ANO2: variants seen among roughly 807,000 people sequenced by gnomAD.
ANO2 encodes the protein anoctamin 2, also known as anoctamin-2.
Under a neutral mutation model 124.2 loss-of-function variants are expected in ANO2, and 101 were observed. That is an observed-to-expected ratio of 0.81 (90% CI 0.69 to 0.96). The LOEUF is 0.96. Ranked by LOEUF, ANO2 falls within the 40% of genes least tolerant of loss-of-function variation. The probability of loss-of-function intolerance (pLI) is 0.00; values close to 1 mark genes in which losing one functional copy is unlikely to be tolerated. For synonymous variants in ANO2, 486 were observed against 482.5 expected, an observed-to-expected ratio of 1.01 and a Z score of -0.09; for missense variants, 1,293 against 1,274.5, an observed-to-expected ratio of 1.01 and a Z score of -0.22.
chr12:5,717,035 C>T (rs1226674262), intron 14 of ANO2, among the ~76,000 whole-genome samples: 4 of 152,198 alleles, frequency 2.6e-5, no homozygotes, highest in Admixed American at 1.3e-4. Flanking sequence ...AGCATCAGCT[C>T]CCAGATGTGG....
At chr12:5,944,043 G>A (rs11063949) in intron 1 of ANO2, among the ~76,000 whole-genome samples, 1 of 152,238 alleles carries the variant, frequency 6.6e-6, no homozygotes, top group Non-Finnish European at 1.5e-5. Flanking sequence ...AGGCAACTCA[G>A]ACAGCAGAAG....
intron 16 of ANO2, among the ~76,000 whole-genome samples, chr12:5,623,513 T>C (rs904314762): frequency 1.3e-5 from 2 of 152,150 alleles, no homozygotes; most frequent in African/African-American, 4.8e-5. Context: ...TGAAAAAATA[T>C]GAGTGCAAAT....
At position 5,636,801 on chromosome 12, in the gene ANO2, A is replaced by T. The variant is rs530640843; in HGVS notation, c.1621-1454T>A. On this transcript the variant is annotated intron_variant, in intron 15 of 24. Coordinates refer to ENST00000682330, the MANE Select transcript of ANO2 (RefSeq NM_001364791.2). This position sits in a 1 kb window ranked among gnomAD's most constrained non-coding sequence, Gnocchi z 4.6. ...CCAGTGGCTTGCTAATGGGTGGCAG[A>T]TGTGTCCAGGTATGGATGTTTTCAG... Among the ~76,000 whole-genome samples the T allele has an allele frequency of 6.6e-5, 10 of 152,002 alleles. No individual in the cohort carries two copies. The highest frequency in any genetic ancestry group is 1.5e-4 in the Non-Finnish European group (10 of 68,002).
Position 5,599,527 on chromosome 12 carries a change from G to C in ANO2, c.2190C>G (p.Ser730Arg), listed in dbSNP as rs1943827132. 2 of 1,613,718 alleles carry C rather than the reference G, an allele frequency of 1.2e-6. No individual in the cohort carries two copies. Among genetic ancestry groups the C allele is most frequent in the Non-Finnish European group, 1.7e-6 (2 of 1,179,812 alleles). ...KHPEQWDLDY[S>R]LEPYTGLTPE... The stretch of plus-strand genomic sequence containing the variant: ...GAGTCAGTCCTGTGTATGGTTCCAA[G>C]CTGTAGTCTAGGTCCCACTGCTCTG... Residue 730 changes from serine to arginine, a missense_variant, in exon 20 of 25, where the codon AGC becomes AGG. Transcript: ENST00000682330.
intron 24 of ANO2, 43 bp from the exon 25 acceptor site, chr12:5,563,611 G>A (rs766806181): frequency 2.7e-5 from 44 of 1,604,154 alleles, no homozygotes; most frequent in African/African-American, 1.6e-4. Flanking sequence ...GGAGAGGCCC[G>A]GCCTGGGGAG....
At chr12:5,748,376 C>G (rs1169569062) in intron 11 of ANO2, among the ~76,000 whole-genome samples, 1 of 152,186 alleles carries the variant, frequency 6.6e-6, no homozygotes, top group African/African-American at 2.4e-5. Context: ...ACCCAAAAGC[C>G]ATGTTTTCTT....
At chr12:5,846,031 G>A (rs932935077) in intron 4 of ANO2, among the ~76,000 whole-genome samples, 1 of 152,200 alleles carries the variant, frequency 6.6e-6, no homozygotes, top group African/African-American at 2.4e-5. Flanking sequence ...GCGGTTTTAT[G>A]AATCTTTTTC....
chr12:5,783,249 G>A (rs924869152), intron 10 of ANO2, among the ~76,000 whole-genome samples: 4 of 152,098 alleles, frequency 2.6e-5, no homozygotes, highest in African/African-American at 9.7e-5. Context: ...GTTGGTTTTG[G>A]CTCAGGGTTT....
intron 3 of ANO2, among the ~76,000 whole-genome samples, chr12:5,913,659 G>A (rs1227186889): frequency 6.6e-6 from 1 of 152,218 alleles, no homozygotes; most frequent in South Asian, 2.1e-4. Flanking sequence ...GGACCCCTTA[G>A]TGGCAGCGTG....
chr12:5,722,741 C>T (rs901137703), intron 14 of ANO2, among the ~76,000 whole-genome samples: 4 of 151,874 alleles, frequency 2.6e-5, no homozygotes, highest in South Asian at 2.1e-4. Context: ...TGTGTGCACA[C>T]GTAAATAAAC....
intron 21 of ANO2, among the ~76,000 whole-genome samples, 172 bp downstream of exon 21, chr12:5,578,194 G>T (rs1942530826): frequency 6.6e-6 from 1 of 152,180 alleles, no homozygotes; most frequent in Admixed American, 6.5e-5. Flanking sequence ...AAGTGGGGGT[G>T]GATAAAGCGG....
chr12:5,651,703 C>G (rs1266245404), intron 14 of ANO2, among the ~76,000 whole-genome samples: 1 of 152,188 alleles, frequency 6.6e-6, no homozygotes, highest in Non-Finnish European at 1.5e-5. Flanking sequence ...AGACATAGAA[C>G]AATACCATCA....
intron 14 of ANO2, among the ~76,000 whole-genome samples, chr12:5,649,485 G>C (rs769104063): frequency 3.9e-5 from 6 of 152,138 alleles, no homozygotes; most frequent in Non-Finnish European, 7.4e-5. Flanking sequence ...GATGGGATTA[G>C]AACAAGACTC....
intron 4 of ANO2, among the ~76,000 whole-genome samples, chr12:5,840,233 T>C (rs1052623312): frequency 3.9e-5 from 6 of 152,190 alleles, no homozygotes; most frequent in Non-Finnish European, 8.8e-5. Context: ...TTTTAAAATA[T>C]GTTGCTGTTA....
chr12:5,914,819 C>T (rs1463384539), intron 3 of ANO2, among the ~76,000 whole-genome samples: 2 of 152,248 alleles, frequency 1.3e-5, no homozygotes, highest in Non-Finnish European at 2.9e-5. Context: ...GCCCTCCTGG[C>T]TTCCACAGGA....
chr12:5,584,305 C>G (rs911876596), intron 20 of ANO2, among the ~76,000 whole-genome samples: 1 of 152,136 alleles, frequency 6.6e-6, no homozygotes, highest in African/African-American at 2.4e-5. Flanking sequence ...CCCGGAGGGC[C>G]CTTTCTCCTC....
At chr12:5,645,969 CCCCTTTTCT>C (rs1946618458) in intron 15 of ANO2, among the ~76,000 whole-genome samples, 1 of 152,208 alleles carries the variant, frequency 6.6e-6, no homozygotes, top group Non-Finnish European at 1.5e-5. Context: ...GATTTTGTTT[CCCCTTTTCT>C]CCCTTTTCTG....
chr12:5,793,921 C>T (rs1045785143), intron 10 of ANO2, among the ~76,000 whole-genome samples: 49 of 152,264 alleles, frequency 3.2e-4, no homozygotes, highest in African/African-American at 1.2e-3. Context: ...GAGTGGCACT[C>T]CATGGAGGAA....
chr12:5,750,707 G>T, intron 11 of ANO2, 129 bp downstream of exon 11: 2 of 984,962 alleles, frequency 2.0e-6, no homozygotes, highest in South Asian at 3.6e-5. Flanking sequence ...AGCTACATGT[G>T]TCATAGCGAA....
Sources: gnomAD v4.1 joint callset for allele counts (sites outside exome capture counted in the v4.1 genomes callset) on GRCh38, gnomAD v4.1.1 for gene constraint, Gnocchi (gnomAD v3.1) non-coding constraint, MANE v1.5 for transcripts, NCBI Gene and HGNC (gene_info 2026-07-23, HGNC 2026-07-21) for gene names.